GAREM1: variants seen among roughly 807,000 people sequenced by gnomAD.
The protein encoded by GAREM1 is GRB2 associated regulator of MAPK1 subtype 1, also known as GRB2-associated and regulator of MAPK protein 1.
GAREM1 carries 26 observed loss-of-function variants against 71.3 expected under a neutral mutation model. The observed-to-expected ratio is 0.36, with a 90% CI of 0.27 to 0.51. The LOEUF (loss-of-function observed/expected upper bound fraction) is 0.51, where lower values mean the gene tolerates loss of function less well. GAREM1 is among the 20% of genes least tolerant of loss of function. GAREM1 has a pLI of 0.95. For missense variants in GAREM1, 1,026 were observed against 1,103.1 expected (o/e 0.93, Z 0.99); for synonymous variants, 440 against 433.2 (o/e 1.02, Z -0.20).
intron 2 of GAREM1, among the ~76,000 whole-genome samples, chr18:32,361,910 A>G (rs1026950985): frequency 3.3e-5 from 5 of 152,204 alleles, no homozygotes; most frequent in Non-Finnish European, 5.9e-5. Context: ...AATACAGTAC[A>G]TATCTTTACA....
At chr18:32,434,427 T>C (rs188268741) in intron 1 of GAREM1, among the ~76,000 whole-genome samples, 9 of 152,248 alleles carry the variant, frequency 5.9e-5, no homozygotes, top group Middle Eastern at 3.4e-3. Context: ...GGAGAGGTCA[T>C]TGATTCCAGG....
At chr18:32,351,703 T>C (rs537857128) in intron 2 of GAREM1, among the ~76,000 whole-genome samples, 1,554 of 119,350 alleles carry the variant, frequency 0.013, 24 homozygotes, top group Non-Finnish European at 0.017. Flanking sequence ...CCCTCTCTCT[T>C]TTTTTTTTTT....
chr18:32,317,472 C>A (rs2047390367), intron 2 of GAREM1, among the ~76,000 whole-genome samples: 1 of 151,456 alleles, frequency 6.6e-6, no homozygotes, highest in Non-Finnish European at 1.5e-5. Flanking sequence ...ACAGTCATAC[C>A]AGAGTCTCTT....
At position 32,330,046 on chromosome 18, in the gene GAREM1, T is replaced by A. The variant is rs2047516422; in HGVS notation, c.263-19723A>T. On this transcript the variant is annotated intron_variant, in intron 2 of 5. Coordinates refer to ENST00000269209, the MANE Select transcript of GAREM1 (RefSeq NM_001242409.2). ...AAAATAAATTGTTCTACCAAAAAGATGCCTGCACTCATATGTTCATCACAG... is the reference window on the plus strand; with the variant it reads ...AAAATAAATTGTTCTACCAAAAAGAAGCCTGCACTCATATGTTCATCACAG... Among the ~76,000 whole-genome samples, 6 of 152,118 alleles carry A rather than the reference T, an allele frequency of 3.9e-5. No individual in the cohort carries two copies. In the South Asian group the frequency reaches 1.2e-3, roughly 32 times the overall value.
intron 2 of GAREM1, among the ~76,000 whole-genome samples, chr18:32,387,174 A>C (rs904857355): frequency 1.3e-5 from 2 of 152,168 alleles, no homozygotes; most frequent in African/African-American, 4.8e-5. Context: ...CAGAGACAAA[A>C]GGAATTTGAT....
intron 4 of GAREM1, among the ~76,000 whole-genome samples, chr18:32,280,763 G>A (rs16962965): frequency 0.05 from 7,676 of 152,178 alleles, 343 homozygotes; most frequent in African/African-American, 0.12. Flanking sequence ...TAATATCTTA[G>A]AAACCCAGCA....
intron 3 of GAREM1, among the ~76,000 whole-genome samples, chr18:32,289,608 T>A (rs1176715173): frequency 6.6e-6 from 1 of 152,212 alleles, no homozygotes; most frequent in Non-Finnish European, 1.5e-5. Context: ...AAATTTTCCT[T>A]TGTGATTTCA....
chr18:32,431,290 A>G (rs141749013), intron 1 of GAREM1, among the ~76,000 whole-genome samples: 74 of 152,344 alleles, frequency 4.9e-4, no homozygotes, highest in African/African-American at 1.7e-3. Flanking sequence ...TCTAATATTC[A>G]TGCTATAACG....
In GAREM1 at chr18:32,445,313, C is replaced by G. The variant is rs1011674222; in HGVS notation, c.121+24995G>C. On this transcript the variant is annotated intron_variant, in intron 1 of 5. Coordinates refer to ENST00000269209, the MANE Select transcript of GAREM1 (RefSeq NM_001242409.2). ...AAAAGATATATTGCTTTCACTAAAC[C>G]CCCCGCCCCTGCAAAAAAAAGGCTA... 4.6e-5 allele frequency among the ~76,000 whole-genome samples: 7 copies of G among 151,182 alleles called. No individual in the cohort carries two copies. In the Admixed American group the frequency reaches 4.6e-4, roughly 10 times the overall value.
chr18:32,405,876 A>T (rs932678805), intron 1 of GAREM1, among the ~76,000 whole-genome samples: 1 of 152,232 alleles, frequency 6.6e-6, no homozygotes, highest in South Asian at 2.1e-4. Context: ...CTGAGTTGTT[A>T]TGTAAGAAAT....
At chr18:32,439,088 G>A (rs1472122667) in intron 1 of GAREM1, among the ~76,000 whole-genome samples, 1 of 152,084 alleles carries the variant, frequency 6.6e-6, no homozygotes, top group Non-Finnish European at 1.5e-5. Context: ...TGCCTTTATT[G>A]AGTCAATACT....
chr18:32,364,030 T>TATA (rs1197120510), intron 2 of GAREM1, among the ~76,000 whole-genome samples: 27 of 24,912 alleles, frequency 1.1e-3, no homozygotes, highest in Non-Finnish European at 1.7e-3. Context: ...ATATATATGT[T>TATA]TTTTTTTTTT....
Position 32,264,180 on chromosome 18 carries a change from C to G in GAREM1, c.*3691G>C, listed in dbSNP as rs1232018381. 2 of 152,078 alleles carry G rather than the reference C, an allele frequency of 1.3e-5. No homozygotes were observed. Among genetic ancestry groups the G allele is most frequent in the Non-Finnish European group, 2.9e-5 (2 of 68,012 alleles). 9.4% of individuals were successfully genotyped at this position (152,078 alleles called of 1,614,324 possible). ...CCTTTTATTCTTCTTGCTCAAGCAG[C>G]CTGGTGCCTTTAGGTAACTTGAAAG... On this transcript the variant is annotated 3_prime_UTR_variant, in exon 6 of 6. Transcript: ENST00000269209.
At chr18:32,339,792 G>A (rs144760092) in intron 2 of GAREM1, among the ~76,000 whole-genome samples, 2 of 152,282 alleles carry the variant, frequency 1.3e-5, no homozygotes, top group East Asian at 1.9e-4. Flanking sequence ...CCGGGAACGC[G>A]GAAGTCATCT....
At chr18:32,463,968 A>G (rs965567066) in intron 1 of GAREM1, among the ~76,000 whole-genome samples, 2 of 150,410 alleles carry the variant, frequency 1.3e-5, no homozygotes, top group African/African-American at 2.5e-5. Context: ...ATCAGTGAAA[A>G]TAATGATGAG....
chr18:32,378,375 C>G (rs2048059422), intron 2 of GAREM1, among the ~76,000 whole-genome samples: 1 of 151,816 alleles, frequency 6.6e-6, no homozygotes, highest in Non-Finnish European at 1.5e-5. Context: ...TGGCAGGTGC[C>G]TGTAATCCCA....
intron 1 of GAREM1, among the ~76,000 whole-genome samples, chr18:32,434,450 G>A (rs987927515): frequency 6.6e-6 from 1 of 152,042 alleles, no homozygotes; most frequent in Non-Finnish European, 1.5e-5. Flanking sequence ...TAGGGCAGGG[G>A]CATCTTGTGC....
chr18:32,466,391 T>C (rs1434795864), intron 1 of GAREM1, among the ~76,000 whole-genome samples: 18 of 152,180 alleles, frequency 1.2e-4, no homozygotes, highest in African/African-American at 4.1e-4. Flanking sequence ...AAATATATAT[T>C]TTACTAGAGT....
chr18:32,460,723 A>G (rs1460893790), intron 1 of GAREM1, among the ~76,000 whole-genome samples: 1 of 152,202 alleles, frequency 6.6e-6, no homozygotes, highest in African/African-American at 2.4e-5. Context: ...CGTGGTGCCC[A>G]GAGATGAGAG....
Sources: allele counts gnomAD v4.1 joint callset (sites outside exome capture counted in the v4.1 genomes callset), GRCh38; gene constraint gnomAD v4.1.1; transcripts MANE v1.5; gene names NCBI Gene and HGNC (gene_info 2026-07-23, HGNC 2026-07-21).